KAZN: variants seen among roughly 807,000 people sequenced by gnomAD.
The protein encoded by KAZN is kazrin.
In KAZN, 40 loss-of-function variants were observed where a neutral mutation model predicts 87.4. That is an observed-to-expected ratio of 0.46 (90% confidence interval 0.36 to 0.60). The LOEUF (loss-of-function observed/expected upper bound fraction) is 0.60. Ranked by LOEUF, KAZN falls within the 20% of genes least tolerant of loss-of-function variation. KAZN has a pLI of 0.00. For synonymous variants in KAZN, 466 were observed against 458.3 expected (o/e 1.02, Z -0.22); for missense variants, 898 against 1,073.9 (o/e 0.84, Z 2.29).
At chr1:14,394,088 G>A (rs993727699) in intron 2 of KAZN, among the ~76,000 whole-genome samples, 1 of 152,138 alleles carries the variant, frequency 6.6e-6, no homozygotes, top group Non-Finnish European at 1.5e-5. Context: ...TGGGCAGGAC[G>A]GAAGAAAAGA....
At chr1:14,118,049 C>T (rs868342925) in intron 1 of KAZN, among the ~76,000 whole-genome samples, 4 of 152,126 alleles carry the variant, frequency 2.6e-5, no homozygotes, top group Non-Finnish European at 4.4e-5. Flanking sequence ...GGCTTGAGAC[C>T]GGGGCGTTGC....
At chr1:14,806,135 C>T (rs955491365) in intron 1 of KAZN, among the ~76,000 whole-genome samples, 9 of 152,216 alleles carry the variant, frequency 5.9e-5, no homozygotes, top group Non-Finnish European at 1.0e-4. Flanking sequence ...ACTGGAGGAA[C>T]TCCCCAGGGT....
chr1:14,791,388 A>T (rs1645670076), intron 1 of KAZN, among the ~76,000 whole-genome samples: 1 of 152,170 alleles, frequency 6.6e-6, no homozygotes, highest in African/African-American at 2.4e-5. Flanking sequence ...CTGGAGCCTC[A>T]TCCTGACACA....
intron 1 of KAZN, among the ~76,000 whole-genome samples, chr1:14,899,327 G>C (rs1261461298): frequency 6.6e-6 from 1 of 152,172 alleles, no homozygotes; most frequent in Non-Finnish European, 1.5e-5. Flanking sequence ...TTTGTAGACT[G>C]TCCTCACCTC....
At chr1:14,594,845 C>T (rs1676393844), upstream of KAZN, among the ~76,000 whole-genome samples, 2 of 152,150 alleles carry the variant, frequency 1.3e-5, no homozygotes, top group South Asian at 2.1e-4. Flanking sequence ...TGGGAGGGGA[C>T]ACAGATTCCG....
intron 1 of KAZN, among the ~76,000 whole-genome samples, chr1:14,800,196 C>T (rs990242614): frequency 4.6e-5 from 7 of 152,168 alleles, no homozygotes; most frequent in Non-Finnish European, 1.0e-4. Context: ...GATCCCAAAA[C>T]CAAGAACCAC....
intron 2 of KAZN, among the ~76,000 whole-genome samples, chr1:14,193,852 C>A (rs990173971): frequency 1.3e-4 from 19 of 151,956 alleles, no homozygotes; most frequent in Admixed American, 7.2e-4. Context: ...CTAGGGTCCT[C>A]TAAGAGCCCA....
At chr1:14,644,002 C>CTTTTTT (rs34535562) in intron 1 of KAZN, among the ~76,000 whole-genome samples, 376 of 60,286 alleles carry the variant, frequency 6.2e-3, no homozygotes, top group Non-Finnish European at 7.1e-3. Flanking sequence ...CCTTTGCCCA[C>CTTTTTT]TTTTTTTTTT....
intron 2 of KAZN, among the ~76,000 whole-genome samples, chr1:14,468,235 C>T (rs1003718403): frequency 2.0e-5 from 3 of 152,128 alleles, no homozygotes; most frequent in East Asian, 3.9e-4. Context: ...AAAGAATTTC[C>T]ACACTAACTT....
intron 1 of KAZN, among the ~76,000 whole-genome samples, chr1:14,907,739 T>A (rs1261353023): frequency 6.6e-6 from 1 of 151,636 alleles, no homozygotes; most frequent in Non-Finnish European, 1.5e-5. Context: ...GTGGACAGAG[T>A]AAGGAAAGTC....
At chr1:14,924,294 G>C (rs1020691507) in intron 1 of KAZN, 2 of 984,382 alleles carry the variant, frequency 2.0e-6, no homozygotes, top group African/African-American at 3.5e-5. Flanking sequence ...CGACCTCCGG[G>C]TCTGTGAGCC....
At chr1:14,847,603 C>G (rs1423585366) in intron 1 of KAZN, among the ~76,000 whole-genome samples, 5 of 152,188 alleles carry the variant, frequency 3.3e-5, no homozygotes, top group African/African-American at 9.7e-5. Flanking sequence ...ATGTCTTTAC[C>G]CATCAGCCTC....
intron 1 of KAZN, among the ~76,000 whole-genome samples, chr1:14,669,537 A>G (rs1639787697): frequency 6.6e-6 from 1 of 152,204 alleles, no homozygotes; most frequent in African/African-American, 2.4e-5. Context: ...TGAGGCCAGG[A>G]GTTTGAGAAC....
At chr1:15,072,592 C>A (rs1028456021) in intron 8 of KAZN, among the ~76,000 whole-genome samples, 1 of 152,206 alleles carries the variant, frequency 6.6e-6, no homozygotes, top group Non-Finnish European at 1.5e-5. Context: ...TTCTTTGTGC[C>A]AAGCACTGTT....
intron 2 of KAZN, among the ~76,000 whole-genome samples, chr1:14,413,506 C>T (rs892842616): frequency 7.2e-6 from 1 of 138,186 alleles, no homozygotes; most frequent in Admixed American, 8.0e-5. Flanking sequence ...AGGAGAATGG[C>T]GTGAAACCGG....
At chr1:14,930,894 A>G (rs1659737657) in intron 1 of KAZN, among the ~76,000 whole-genome samples, 1 of 152,148 alleles carries the variant, frequency 6.6e-6, no homozygotes, top group South Asian at 2.1e-4. Flanking sequence ...ATCTCTGTCA[A>G]CAGGAGACTC....
At chr1:14,739,406 C>T (rs1029483862) in intron 1 of KAZN, among the ~76,000 whole-genome samples, 10 of 152,000 alleles carry the variant, frequency 6.6e-5, no homozygotes, top group South Asian at 2.1e-4. Flanking sequence ...AAGCAAGAGA[C>T]GGGCAGTGTC....
At chr1:14,661,197 G>C (rs1639147311) in intron 1 of KAZN, among the ~76,000 whole-genome samples, 1 of 152,214 alleles carries the variant, frequency 6.6e-6, no homozygotes, top group Admixed American at 6.5e-5. Flanking sequence ...TGGGCCAACA[G>C]GAAAGGGTGA....
chr1:14,727,838 G>A (rs995438047), intron 1 of KAZN, among the ~76,000 whole-genome samples: 2 of 151,436 alleles, frequency 1.3e-5, no homozygotes, highest in Non-Finnish European at 2.9e-5. Flanking sequence ...TGTAGAATTC[G>A]TGGGAGCCCT....
Sources: allele counts gnomAD v4.1 joint callset (sites outside exome capture counted in the v4.1 genomes callset), GRCh38; gene constraint gnomAD v4.1.1; transcripts MANE v1.5; gene names NCBI Gene and HGNC (gene_info 2026-07-23, HGNC 2026-07-21).